The following GALNT13 variants were observed in gnomAD, a reference collection of about 807,000 sequenced individuals.
The protein encoded by GALNT13 is polypeptide N-acetylgalactosaminyltransferase 13, also known as UDP-GalNAc:polypeptide N-acetylgalactosaminyltransferase 13.
In GALNT13, 28 loss-of-function variants were observed where a neutral mutation model predicts 64.2. The observed-to-expected ratio is 0.44, with a 90% CI of 0.32 to 0.60. The LOEUF (loss-of-function observed/expected upper bound fraction) is 0.60. Ranked by LOEUF, GALNT13 falls within the 20% of genes least tolerant of loss-of-function variation. GALNT13 has a pLI of 0.05. For synonymous variants in GALNT13, 214 were observed against 224.6 expected, an observed-to-expected ratio of 0.95 and a Z score of 0.42; for missense variants, 577 against 669.8, an observed-to-expected ratio of 0.86 and a Z score of 1.53.
At chr2:153,132,502 A>G in the GALNT13 span, among the ~76,000 whole-genome samples, 7 of 152,200 alleles carry the variant, frequency 4.6e-5, no homozygotes, top group Non-Finnish European at 8.8e-5. Flanking sequence ...CTAGCCCAAC[A>G]GAATAAATTT....
At chr2:153,476,877 G>GC in the GALNT13 span, among the ~76,000 whole-genome samples, 4 of 151,598 alleles carry the variant, frequency 2.6e-5, no homozygotes, top group African/African-American at 4.9e-5. Context: ...CCTTCCCTCC[G>GC]CCCCCCGGCC....
At position 154,121,306 on chromosome 2, in the gene GALNT13, A is replaced by C. The variant is rs1006423069; in HGVS notation, c.143-19031A>C. On this transcript the variant is annotated intron_variant, in intron 3 of 12. Coordinates refer to ENST00000392825, the MANE Select transcript of GALNT13 (RefSeq NM_052917.4). ...GGAACTTGAGACTTTCTATTTTGCTATCTTGCTGATGCCACTATTTATTTA... is the reference window on the plus strand; with the variant it reads ...GGAACTTGAGACTTTCTATTTTGCTCTCTTGCTGATGCCACTATTTATTTA... Among the ~76,000 whole-genome samples, 7 of 152,238 alleles carry C rather than the reference A, an allele frequency of 4.6e-5. 1 individual carries two copies. Among genetic ancestry groups the C allele is most frequent in the African/African-American group, 9.6e-5 (4 of 41,560 alleles).
intron 8 of GALNT13, among the ~76,000 whole-genome samples, chr2:154,262,760 G>A (rs921145343): frequency 2.0e-5 from 3 of 151,982 alleles, no homozygotes; most frequent in African/African-American, 7.2e-5. Flanking sequence ...TCAGTTATAG[G>A]TGTTAAAGAA....
the GALNT13 span, among the ~76,000 whole-genome samples, chr2:153,536,521 C>T: frequency 1.3e-5 from 2 of 152,014 alleles, no homozygotes; most frequent in South Asian, 2.1e-4. Flanking sequence ...GACTTGTAAG[C>T]TCCTTACATG....
chr2:154,201,505 T>A (rs1687168576), intron 4 of GALNT13, among the ~76,000 whole-genome samples: 2 of 152,090 alleles, frequency 1.3e-5, no homozygotes, highest in Admixed American at 1.3e-4. Context: ...TAGCATCACC[T>A]TCTTACTTTA....
At chr2:153,786,504 G>A in the GALNT13 span, among the ~76,000 whole-genome samples, 1 of 152,090 alleles carries the variant, frequency 6.6e-6, no homozygotes, top group Non-Finnish European at 1.5e-5. Context: ...TGCCACAGCA[G>A]CACTTTAATC....
intron 9 of GALNT13, among the ~76,000 whole-genome samples, chr2:154,326,342 AT>A (rs1370529131): frequency 3.3e-5 from 5 of 151,598 alleles, no homozygotes; most frequent in African/African-American, 9.7e-5. Flanking sequence ...AAAAAAAAAA[AT>A]ACAAGTTAAA....
At chr2:153,472,865 A>C in the GALNT13 span, among the ~76,000 whole-genome samples, 1 of 152,212 alleles carries the variant, frequency 6.6e-6, no homozygotes, top group Non-Finnish European at 1.5e-5. Context: ...TGACTGAGGA[A>C]TATTTAAAAA....
chr2:154,331,469 ATTT>A (rs147714010), intron 9 of GALNT13, among the ~76,000 whole-genome samples: 2 of 150,562 alleles, frequency 1.3e-5, no homozygotes, highest in Non-Finnish European at 3.0e-5. Context: ...TGCCCACACA[ATTT>A]TTTTTTTTTA....
intron 8 of GALNT13, among the ~76,000 whole-genome samples, chr2:154,268,560 T>C (rs1559058259): frequency 6.6e-6 from 1 of 152,136 alleles, no homozygotes; most frequent in African/African-American, 2.4e-5. Context: ...AATTTAAATA[T>C]ATGCAGTTCA....
At chr2:153,273,273 A>T in the GALNT13 span, among the ~76,000 whole-genome samples, 20 of 152,356 alleles carry the variant, frequency 1.3e-4, no homozygotes, top group Non-Finnish European at 2.5e-4. Context: ...AACTTAAAGT[A>T]TAATTTTTTT....
intron 3 of GALNT13, among the ~76,000 whole-genome samples, chr2:154,059,017 A>T (rs1700040478): frequency 6.6e-6 from 1 of 152,202 alleles, no homozygotes; most frequent in South Asian, 2.1e-4. Flanking sequence ...AGAGGTGATT[A>T]GTGATTAAAT....
chr2:154,094,913 T>C (rs1702001580), intron 3 of GALNT13, among the ~76,000 whole-genome samples: 1 of 151,946 alleles, frequency 6.6e-6, no homozygotes, highest in African/African-American at 2.4e-5. Context: ...ATAAATAATA[T>C]GTATATTATT....
intron 12 of GALNT13, among the ~76,000 whole-genome samples, chr2:154,450,102 A>G (rs1294946312): frequency 2.0e-5 from 3 of 152,054 alleles, no homozygotes; most frequent in Non-Finnish European, 2.9e-5. Context: ...GCAGTCCTCA[A>G]CTGAACTCGG....
At chr2:153,942,351 C>A (rs568074173) in intron 2 of GALNT13, among the ~76,000 whole-genome samples, 1 of 152,000 alleles carries the variant, frequency 6.6e-6, no homozygotes, top group South Asian at 2.1e-4. Flanking sequence ...TGGGAATGGC[C>A]GTGTAGTGAC....
chr2:154,220,698 G>A (rs534989515), intron 4 of GALNT13, among the ~76,000 whole-genome samples: 2 of 152,088 alleles, frequency 1.3e-5, no homozygotes, highest in Admixed American at 1.3e-4. Flanking sequence ...AAAGCAAGTT[G>A]TCATAAAAGT....
intron 3 of GALNT13, among the ~76,000 whole-genome samples, chr2:154,122,235 T>G (rs1371249682): frequency 6.6e-6 from 1 of 151,988 alleles, no homozygotes; most frequent in East Asian, 1.9e-4. Context: ...GATGGATAGA[T>G]TGAAATAATC....
chr2:153,444,471 CAG>C, the GALNT13 span, among the ~76,000 whole-genome samples: 1 of 152,130 alleles, frequency 6.6e-6, no homozygotes, highest in Non-Finnish European at 1.5e-5. Flanking sequence ...AGTGCACTAG[CAG>C]AAAAGCATTA....
chr2:153,080,551 A>G, the GALNT13 span, among the ~76,000 whole-genome samples: 1 of 152,110 alleles, frequency 6.6e-6, no homozygotes, highest in African/African-American at 2.4e-5. Flanking sequence ...GTGACCTAAG[A>G]TATAGCAATT....
Sources: allele counts gnomAD v4.1 joint callset (sites outside exome capture counted in the v4.1 genomes callset), GRCh38; gene constraint gnomAD v4.1.1; transcripts MANE v1.5; gene names NCBI Gene and HGNC (gene_info 2026-07-23, HGNC 2026-07-21).